FAM193A: variants seen among roughly 807,000 people sequenced by gnomAD.
FAM193A encodes family with sequence similarity 193 member A.
A neutral mutation model predicts 126.5 loss-of-function variants in FAM193A; 22 were observed. The observed-to-expected ratio is 0.17, with a 90% CI of 0.12 to 0.25. The LOEUF is 0.25. Ranked by LOEUF, FAM193A falls within the 10% of genes least tolerant of loss-of-function variation. The pLI, the probability that FAM193A is intolerant of heterozygous loss-of-function variation, is 1.00. For synonymous variants in FAM193A, 761 were observed against 646.8 expected (o/e 1.18, Z -2.68); for missense variants, 1,675 against 1,672.8 (o/e 1.00, Z -0.02).
intron 7 of FAM193A, among the ~76,000 whole-genome samples, chr4:2,649,736 G>A (rs918862209): frequency 3.9e-5 from 6 of 152,184 alleles, no homozygotes; most frequent in African/African-American, 1.4e-4. Flanking sequence ...TGCACTGTGG[G>A]CTGCTGGTTA....
At chr4:2,562,190 A>G (rs576749272) in intron 1 of FAM193A, among the ~76,000 whole-genome samples, 8 of 152,198 alleles carry the variant, frequency 5.3e-5, no homozygotes, top group South Asian at 4.2e-4. Context: ...GTTCATCCCT[A>G]TAATCGCAGC....
intron 1 of FAM193A, among the ~76,000 whole-genome samples, chr4:2,546,158 A>T (rs1315836533): frequency 2.7e-5 from 4 of 149,264 alleles, no homozygotes; most frequent in African/African-American, 1.0e-4. Context: ...AAAAAAAAAA[A>T]ATTTTTTTTT....
intron 2 of FAM193A, among the ~76,000 whole-genome samples, chr4:2,598,804 G>A (rs1420643760): frequency 1.3e-5 from 2 of 152,222 alleles, no homozygotes; most frequent in African/African-American, 2.4e-5. Context: ...GCGTGCTCGT[G>A]TGGGCCTGTA....
At chr4:2,622,282 A>C (rs929142490) in intron 2 of FAM193A, among the ~76,000 whole-genome samples, 164 of 150,792 alleles carry the variant, frequency 1.1e-3, no homozygotes, top group Admixed American at 2.4e-3. Context: ...AAAAAAAAAA[A>C]ACCTAAATGT....
intron 6 of FAM193A, among the ~76,000 whole-genome samples, chr4:2,646,262 C>T (rs1745134658): frequency 6.8e-6 from 1 of 146,136 alleles, no homozygotes; most frequent in South Asian, 2.2e-4. Flanking sequence ...CTCCGCCTCC[C>T]GGGTTCAAGC....
chr4:2,650,547 G>A (rs903660575), intron 7 of FAM193A, among the ~76,000 whole-genome samples: 9 of 152,326 alleles, frequency 5.9e-5, no homozygotes, highest in African/African-American at 2.2e-4. Flanking sequence ...AGAGATGGGA[G>A]CTCAGGGCTC....
intron 2 of FAM193A, among the ~76,000 whole-genome samples, chr4:2,605,209 G>A (rs950550280): frequency 2.0e-5 from 3 of 152,050 alleles, no homozygotes; most frequent in African/African-American, 4.8e-5. Context: ...AAAATCAAGC[G>A]TTGCTGTTAA....
intron 6 of FAM193A, among the ~76,000 whole-genome samples, chr4:2,644,835 A>G (rs1034931151): frequency 6.6e-6 from 1 of 152,218 alleles, no homozygotes. Flanking sequence ...TTATTATAAA[A>G]TCATTAGATT....
chr4:2,581,110 T>C (rs1324070369), intron 1 of FAM193A, among the ~76,000 whole-genome samples: 6 of 149,012 alleles, frequency 4.0e-5, no homozygotes, highest in South Asian at 2.1e-4. Context: ...CCCTGGGCGA[T>C]AGAGCAAGAC....
intron 1 of FAM193A, among the ~76,000 whole-genome samples, chr4:2,591,949 C>T (rs987573471): frequency 3.3e-5 from 5 of 152,058 alleles, no homozygotes; most frequent in Non-Finnish European, 5.9e-5. Context: ...GCCATATGTC[C>T]GTATTCTCCT....
rs71178487 is a variant in FAM193A, at chr4:2,602,959, C to CTTTTTTTTTTTTTTTTTTT, written c.501+6639_501+6657dup. 9.5e-5 allele frequency among the ~76,000 whole-genome samples: 4 copies of CTTTTTTTTTTTTTTTTTTT among 42,292 alleles called. 1 individual carries two copies. The highest frequency in any genetic ancestry group is 4.6e-4 in the African/African-American group (4 of 8,674). 27.7% of individuals were successfully genotyped at this position (42,292 alleles called of 152,430 possible). ...ACAAGTGTGAGCCACTGCACCCGGC[C>CTTTTTTTTTTTTTTTTTTT]TTTTTTTTTTTTTTTTTTTTTTTTT... On this transcript the variant is annotated intron_variant, in intron 2 of 20. Coordinates refer to ENST00000637812, the MANE Select transcript of FAM193A (RefSeq NM_001366318.2).
At chr4:2,628,845 GTC>G (rs199567911) in intron 4 of FAM193A, among the ~76,000 whole-genome samples, 80 of 127,522 alleles carry the variant, frequency 6.3e-4, no homozygotes, top group Non-Finnish European at 9.7e-4. Flanking sequence ...GCATATTGCT[GTC>G]TCTCTCTTTT....
chr4:2,631,245 G>A (rs1160710461), intron 5 of FAM193A, 76 bp downstream of exon 5: 21 of 1,408,680 alleles, frequency 1.5e-5, no homozygotes, highest in Admixed American at 5.9e-5. Flanking sequence ...AGCTTCTCAC[G>A]CATGTGTGCC....
intron 13 of FAM193A, among the ~76,000 whole-genome samples, chr4:2,680,167 G>A (rs1432390645): frequency 6.6e-6 from 1 of 152,112 alleles, no homozygotes; most frequent in Non-Finnish European, 1.5e-5. Context: ...AGCCTATTGG[G>A]TGGTTTTTGA....
At chr4:2,563,539 A>G (rs563850027) in intron 1 of FAM193A, among the ~76,000 whole-genome samples, 84 of 152,184 alleles carry the variant, frequency 5.5e-4, no homozygotes, top group African/African-American at 2.0e-3. Flanking sequence ...AAAAAACAAA[A>G]AAAAAAACCT....
At chr4:2,727,786 C>T (rs1399487989) in intron 20 of FAM193A, among the ~76,000 whole-genome samples, 2 of 152,126 alleles carry the variant, frequency 1.3e-5, no homozygotes, top group African/African-American at 4.8e-5. Flanking sequence ...ACAGATGGTG[C>T]CAGTGGGGCA....
rs537012590 is a variant in FAM193A, at chr4:2,662,381, G to T, written c.1746-457G>T. ...CAACTGACTATTTCTGAAAATTTCA[G>T]CCCTAAGTTGAAAAAGCAAACACTA... On this transcript the variant is annotated intron_variant, in intron 10 of 20. Transcript: ENST00000637812. Among the ~76,000 whole-genome samples the T allele has an allele frequency of 5.3e-5, 8 of 152,260 alleles. No individual in the cohort carries two copies. In the East Asian group the frequency reaches 9.6e-4, roughly 18 times the overall value.
chr4:2,711,207 A>G (rs553443445), intron 19 of FAM193A, among the ~76,000 whole-genome samples: 1 of 151,966 alleles, frequency 6.6e-6, no homozygotes, highest in South Asian at 2.1e-4. Context: ...TTTAATTTAG[A>G]AATTCAGTTC....
At chr4:2,673,049 T>C (rs1213603348) in intron 13 of FAM193A, among the ~76,000 whole-genome samples, 2 of 152,204 alleles carry the variant, frequency 1.3e-5, no homozygotes, top group Admixed American at 1.3e-4. Context: ...TCTTAGACTT[T>C]ACAGTGAAAT....
Sources: gnomAD v4.1 joint callset for allele counts (sites outside exome capture counted in the v4.1 genomes callset) on GRCh38, gnomAD v4.1.1 for gene constraint, MANE v1.5 for transcripts, NCBI Gene and HGNC (gene_info 2026-07-23, HGNC 2026-07-21) for gene names.